The following RSRC1 variants were observed in gnomAD, a reference collection of about 807,000 sequenced individuals.
RSRC1 encodes arginine and serine rich coiled-coil 1.
A neutral mutation model predicts 49.1 loss-of-function variants in RSRC1; 39 were observed. That is an observed-to-expected ratio of 0.79 (90% confidence interval 0.61 to 1.04). RSRC1 has a LOEUF of 1.04. Among genes scored for constraint, RSRC1 ranks in the 50% least tolerant of loss-of-function variants. RSRC1 has a pLI of 0.00. For missense variants in RSRC1, 388 were observed against 402.4 expected, an observed-to-expected ratio of 0.96 and a Z score of 0.31; for synonymous variants, 143 against 130.8, an observed-to-expected ratio of 1.09 and a Z score of -0.63.
At chr3:158,276,004 T>C (rs1386202082) in intron 4 of RSRC1, 1 of 815,810 alleles carries the variant, frequency 1.2e-6, no homozygotes, top group Non-Finnish European at 2.1e-6. Context: ...TCTGATAGTA[T>C]TATGGAATGG....
intron 3 of RSRC1, among the ~76,000 whole-genome samples, chr3:158,168,480 C>T (rs940545231): frequency 2.4e-4 from 37 of 152,266 alleles, no homozygotes; most frequent in African/African-American, 8.4e-4. Context: ...AGTGGTTTTT[C>T]CATGTGATTT....
intron 1 of RSRC1, among the ~76,000 whole-genome samples, chr3:158,119,749 A>G (rs1578102006): frequency 6.6e-6 from 1 of 151,676 alleles, no homozygotes; most frequent in Non-Finnish European, 1.5e-5. Context: ...TATACCTTAT[A>G]TACATCTGAA....
chr3:158,410,975 C>G (rs964725321), intron 6 of RSRC1, among the ~76,000 whole-genome samples: 2 of 152,034 alleles, frequency 1.3e-5, no homozygotes, highest in African/African-American at 4.8e-5. Context: ...TGAGCACTTT[C>G]TTGCTTTTCT....
intron 4 of RSRC1, among the ~76,000 whole-genome samples, chr3:158,257,115 C>G (rs941341427): frequency 6.6e-6 from 1 of 152,060 alleles, no homozygotes; most frequent in African/African-American, 2.4e-5. Context: ...CTTCTGCTAG[C>G]TTTTGAATGT....
intron 7 of RSRC1, among the ~76,000 whole-genome samples, chr3:158,524,350 G>A (rs1029475656): frequency 3.9e-5 from 6 of 151,990 alleles, no homozygotes; most frequent in African/African-American, 1.4e-4. Context: ...GCTGCTGCAG[G>A]CTTCACCTTC....
At chr3:158,438,234 C>T (rs1736158501) in intron 6 of RSRC1, among the ~76,000 whole-genome samples, 1 of 152,138 alleles carries the variant, frequency 6.6e-6, no homozygotes, top group African/African-American at 2.4e-5. Flanking sequence ...ATGAAAATGG[C>T]CACACTGTCC....
intron 6 of RSRC1, among the ~76,000 whole-genome samples, chr3:158,416,858 G>A (rs1165938430): frequency 6.6e-6 from 1 of 151,854 alleles, no homozygotes; most frequent in African/African-American, 2.4e-5. Context: ...TACCTTTAAA[G>A]CCAATTAGTA....
intron 3 of RSRC1, among the ~76,000 whole-genome samples, chr3:158,151,968 A>C (rs986734624): frequency 6.6e-6 from 1 of 152,174 alleles, no homozygotes; most frequent in East Asian, 1.9e-4. Flanking sequence ...TAAGTGTGAT[A>C]GATAAGTTAG....
intron 3 of RSRC1, among the ~76,000 whole-genome samples, chr3:158,181,584 TATC>T (rs1372137948): frequency 2.2e-5 from 3 of 136,918 alleles, no homozygotes; most frequent in Admixed American, 7.4e-5. Context: ...TCTTAGATGT[TATC>T]ATCATAGTTT....
chr3:158,364,363 A>C (rs1054348308), intron 6 of RSRC1, among the ~76,000 whole-genome samples: 1 of 152,112 alleles, frequency 6.6e-6, no homozygotes, highest in Admixed American at 6.5e-5. Context: ...CAAACCCCCC[A>C]AAAAGAGCAG....
At chr3:158,416,892 T>C (rs1734764440) in intron 6 of RSRC1, among the ~76,000 whole-genome samples, 1 of 152,084 alleles carries the variant, frequency 6.6e-6, no homozygotes, top group African/African-American at 2.4e-5. Flanking sequence ...AATAACACTT[T>C]AGAACGTATC....
intron 4 of RSRC1, among the ~76,000 whole-genome samples, chr3:158,291,070 A>G (rs1726908582): frequency 6.6e-6 from 1 of 152,168 alleles, no homozygotes; most frequent in Non-Finnish European, 1.5e-5. Flanking sequence ...GTGTGGTGGC[A>G]CATGCCTGTG....
rs10530687 is a variant in RSRC1, at chr3:158,194,054, T to TACACACAC, written c.321-8976_321-8969dup. ...GGGCAAAATAGTGAGACCCCGTCTA[T>TACACACAC]ACACACACACACACACACACACACA... On this transcript the variant is annotated intron_variant, in intron 3 of 9. Coordinates refer to ENST00000611884, the MANE Select transcript of RSRC1 (RefSeq NM_001271838.2). 5.8e-3 allele frequency among the ~76,000 whole-genome samples: 839 copies of TACACACAC among 144,130 alleles called. 9 individuals are homozygous for TACACACAC. Among genetic ancestry groups the TACACACAC allele is most frequent in the African/African-American group, 0.017 (658 of 38,170 alleles). 94.6% of individuals were successfully genotyped at this position (144,130 alleles called of 152,430 possible).
chr3:158,186,711 T>C (rs1719950280), intron 3 of RSRC1, among the ~76,000 whole-genome samples: 1 of 151,994 alleles, frequency 6.6e-6, no homozygotes, highest in Non-Finnish European at 1.5e-5. Context: ...ACTAAATGAC[T>C]TAACCTTTGG....
intron 4 of RSRC1, among the ~76,000 whole-genome samples, chr3:158,277,577 CA>C (rs1411777429): frequency 6.6e-6 from 1 of 151,976 alleles, no homozygotes; most frequent in Non-Finnish European, 1.5e-5. Flanking sequence ...AATTTGAGGT[CA>C]AAAAACATAC....
intron 5 of RSRC1, among the ~76,000 whole-genome samples, chr3:158,329,654 G>T (rs827187): frequency 0.58 from 87,614 of 152,004 alleles, 25,590 homozygotes; most frequent in East Asian, 0.74. Flanking sequence ...CCTACTGGGG[G>T]GTGCCTCCCA....
At chr3:158,185,153 T>C (rs1448093414) in intron 3 of RSRC1, among the ~76,000 whole-genome samples, 1 of 151,990 alleles carries the variant, frequency 6.6e-6, no homozygotes, top group Non-Finnish European at 1.5e-5. Flanking sequence ...GAATCAAAAT[T>C]AATGTTTAAT....
At chr3:158,129,363 T>C (rs1417350170) in intron 3 of RSRC1, among the ~76,000 whole-genome samples, 1 of 142,932 alleles carries the variant, frequency 7.0e-6, no homozygotes, top group African/African-American at 2.6e-5. Context: ...AATTCTCATC[T>C]CACTGCAACC....
chr3:158,279,541 G>A (rs376540836), intron 4 of RSRC1, among the ~76,000 whole-genome samples: 3 of 152,128 alleles, frequency 2.0e-5, no homozygotes, highest in Admixed American at 2.0e-4. Flanking sequence ...ATAAGCTAGC[G>A]CACTTTTAAA....
Sources: allele counts gnomAD v4.1 joint callset (sites outside exome capture counted in the v4.1 genomes callset), GRCh38; gene constraint gnomAD v4.1.1; transcripts MANE v1.5; gene names NCBI Gene and HGNC (gene_info 2026-07-23, HGNC 2026-07-21).